Variants in METAP1 observed in about 807,000 individuals in gnomAD.
The protein encoded by METAP1 is methionine aminopeptidase 1.
METAP1 carries 28 observed loss-of-function variants against 53.8 expected under a neutral mutation model. The observed-to-expected ratio is 0.52, with a 90% CI of 0.39 to 0.71. The LOEUF (loss-of-function observed/expected upper bound fraction) is 0.71. Among genes scored for constraint, METAP1 ranks in the 30% least tolerant of loss-of-function variants. The probability of loss-of-function intolerance (pLI) is 0.00; values close to 1 mark genes in which losing one functional copy is unlikely to be tolerated. For synonymous variants in METAP1, 181 were observed against 165.7 expected, an observed-to-expected ratio of 1.09 and a Z score of -0.71; for missense variants, 389 against 479.8, an observed-to-expected ratio of 0.81 and a Z score of 1.77.
At chr4:99,023,270 C>A in intron 1 of METAP1, 1 of 435,660 alleles carries the variant, frequency 2.3e-6, no homozygotes. Flanking sequence ...GTAAGTAATG[C>A]TATAGTGAGC....
rs774111908 is a variant in METAP1 at position 99,043,401 on chromosome 4, GTTAC to G, written c.655+17_655+20del. On this transcript the variant is annotated intron_variant, in intron 7 of 10. Coordinates refer to ENST00000296411, the MANE Select transcript of METAP1 (RefSeq NM_015143.3). ...ACATTGTTAATGGTAAGAAAAATAT[GTTAC>G]TTTCATCACCATGGGCAAAGAAACA... 6 of 1,573,424 alleles carry G rather than the reference GTTAC, an allele frequency of 3.8e-6. No homozygotes were observed. The East Asian group carries it at 1.4e-4, about 36-fold the overall frequency.
intron 4 of METAP1, among the ~76,000 whole-genome samples, chr4:99,036,756 T>G (rs1725450242): frequency 1.3e-5 from 2 of 152,112 alleles, no homozygotes; most frequent in African/African-American, 4.8e-5. Flanking sequence ...TTTTGCTTAT[T>G]GTAATTTGAC....
At chr4:99,023,504 T>G in intron 1 of METAP1, 6 of 985,432 alleles carry the variant, frequency 6.1e-6, no homozygotes, top group Non-Finnish European at 7.2e-6. Context: ...TGTGCTTATT[T>G]GCTCACACTC....
At chr4:99,011,445 T>C (rs1475159311) in intron 1 of METAP1, among the ~76,000 whole-genome samples, 1 of 152,240 alleles carries the variant, frequency 6.6e-6, no homozygotes, top group African/African-American at 2.4e-5. Context: ...ATTCTGTTAA[T>C]GTGATGTATT....
intron 2 of METAP1, among the ~76,000 whole-genome samples, chr4:99,029,267 TTTAA>T (rs1724817887): frequency 6.6e-6 from 1 of 152,196 alleles, no homozygotes; most frequent in Non-Finnish European, 1.5e-5. Flanking sequence ...TTTGGCTTCA[TTTAA>T]CCAGATTCCT....
At position 99,041,089 on chromosome 4, in the gene METAP1, G is replaced by A. The variant is rs774060673; in HGVS notation, c.479G>A (p.Gly160Asp). The change falls in exon 6 of 11, where the codon GGT (glycine) becomes GAT (aspartate). Residue 160 changes from glycine (G) to aspartate (D), a missense_variant. Physicochemically the swap from Gly to Asp is moderately conservative, Grantham distance 94. Coordinates refer to ENST00000296411, the MANE Select transcript of METAP1 (RefSeq NM_015143.3). ...GTTGCTGCCGGCATGATTAAACCAG[G>A]TGTAACTACTGAAGAAATAGATCAC... ...LDVAAGMIKPGVTTEEIDHAV... is the reference protein window; with the variant it reads ...LDVAAGMIKPDVTTEEIDHAV... The A allele has an allele frequency of 2.5e-6, 4 of 1,608,372 alleles. No homozygotes were observed. The highest frequency in any genetic ancestry group is 2.2e-5 in the East Asian group (1 of 44,670).
chr4:99,035,342 TC>T, intron 3 of METAP1, 57 bp from the exon 4 acceptor site: 1 of 1,241,716 alleles, frequency 8.1e-7, no homozygotes, highest in Non-Finnish European at 1.2e-6. Flanking sequence ...GACTTCTTTC[TC>T]CCCTCGTTTT....
At chr4:99,058,930 T>G (rs1727339077) in intron 10 of METAP1, among the ~76,000 whole-genome samples, 1 of 152,264 alleles carries the variant, frequency 6.6e-6, no homozygotes, top group African/African-American at 2.4e-5. Flanking sequence ...TTTAAAAGAC[T>G]GCACAAATGT....
chr4:99,004,498 CACACACACACACACAA>C (rs1381599754), intron 1 of METAP1, among the ~76,000 whole-genome samples: 25 of 127,332 alleles, frequency 2.0e-4, no homozygotes, highest in African/African-American at 8.1e-4. Flanking sequence ...CACACACACA[CACACACACACACACAA>C]AATAACACAG....
chr4:99,003,937 G>GAC (rs1723040420), intron 1 of METAP1, among the ~76,000 whole-genome samples: 1 of 152,162 alleles, frequency 6.6e-6, no homozygotes, highest in African/African-American at 2.4e-5. Context: ...ACCCTGTTCA[G>GAC]ACACCAGTCA....
intron 1 of METAP1, among the ~76,000 whole-genome samples, chr4:99,021,360 T>C (rs1180948451): frequency 2.0e-5 from 3 of 152,140 alleles, no homozygotes; most frequent in Non-Finnish European, 4.4e-5. Flanking sequence ...CCTTGTCCCC[T>C]GCATTGCTGA....
intron 1 of METAP1, among the ~76,000 whole-genome samples, chr4:99,019,825 C>T (rs1214474631): frequency 1.3e-5 from 2 of 152,202 alleles, no homozygotes; most frequent in Admixed American, 6.5e-5. Flanking sequence ...TTTTAACATA[C>T]CTTGTCCTAG....
At chr4:99,020,489 A>AGGAGGAGGAGGCGGGACTACCACC (rs1724040689) in intron 1 of METAP1, among the ~76,000 whole-genome samples, 1 of 152,074 alleles carries the variant, frequency 6.6e-6, no homozygotes, top group Non-Finnish European at 1.5e-5. Flanking sequence ...CCGGAGCCTG[A>AGGAGGAGGAGGCGGGACTACCACC]GGAGGAGGAG....
intron 2 of METAP1, 38 bp from the exon 3 acceptor site, chr4:99,034,192 C>T (rs777331892): frequency 1.1e-5 from 13 of 1,225,258 alleles, no homozygotes; most frequent in South Asian, 2.6e-5. Context: ...TTCCCTCCTT[C>T]TCCTCCTTCC....
intron 5 of METAP1, among the ~76,000 whole-genome samples, chr4:99,039,958 G>A (rs1261498464): frequency 4.0e-5 from 6 of 151,778 alleles, no homozygotes; most frequent in Non-Finnish European, 8.8e-5. Flanking sequence ...AACTCCTGAC[G>A]TAAGGTGATC....
intron 1 of METAP1, among the ~76,000 whole-genome samples, chr4:99,017,104 C>T (rs529820113): frequency 2.5e-4 from 38 of 152,314 alleles, no homozygotes; most frequent in Non-Finnish European, 5.0e-4. Context: ...ATTATTACCT[C>T]GACTTTCAAA....
intron 5 of METAP1, among the ~76,000 whole-genome samples, chr4:99,040,012 C>T (rs922264426): frequency 6.6e-6 from 1 of 152,184 alleles, no homozygotes; most frequent in Non-Finnish European, 1.5e-5. Context: ...CAGGCGTGAG[C>T]CATTGTGCCC....
intron 1 of METAP1, among the ~76,000 whole-genome samples, chr4:99,018,915 TC>T (rs1723931007): frequency 6.6e-6 from 1 of 152,196 alleles, no homozygotes; most frequent in African/African-American, 2.4e-5. Context: ...AATCCGTAAC[TC>T]CCTTGCTTTC....
intron 9 of METAP1, among the ~76,000 whole-genome samples, chr4:99,052,542 A>G (rs1168606124): frequency 1.3e-5 from 2 of 152,124 alleles, no homozygotes; most frequent in East Asian, 1.9e-4. Context: ...GGGAGGAGAA[A>G]CAACCAGATC....
Sources: gnomAD v4.1 joint callset for allele counts (sites outside exome capture counted in the v4.1 genomes callset) on GRCh38, gnomAD v4.1.1 for gene constraint, MANE v1.5 for transcripts, NCBI Gene and HGNC (gene_info 2026-07-23, HGNC 2026-07-21) for gene names.